DPH6: variants seen among roughly 807,000 people sequenced by gnomAD.
DPH6 encodes diphthamine biosynthesis 6.
Under a neutral mutation model 38.2 loss-of-function variants are expected in DPH6, and 33 were observed. The observed-to-expected ratio is 0.86, with a 90% CI of 0.65 to 1.15. DPH6 has a LOEUF of 1.15. Among genes scored for constraint, DPH6 ranks in the 50% most tolerant of loss-of-function variants. DPH6 has a pLI of 0.00. For synonymous variants in DPH6, 108 were observed against 103.0 expected, an observed-to-expected ratio of 1.05 and a Z score of -0.30; for missense variants, 325 against 320.0, an observed-to-expected ratio of 1.02 and a Z score of -0.12.
chr15:35,155,241 T>C, the DPH6 span, among the ~76,000 whole-genome samples: 149,870 of 152,330 alleles, frequency 0.98, 73,785 homozygotes, highest in East Asian at 1. Context: ...ATAAACTCCT[T>C]ATAACTGAAA....
chr15:35,229,985 G>C (rs1156898297), intron 3 of DPH6, among the ~76,000 whole-genome samples: 1 of 152,192 alleles, frequency 6.6e-6, no homozygotes, highest in Non-Finnish European at 1.5e-5. Flanking sequence ...TACTGGGTCA[G>C]ACCTGAAGCC....
chr15:35,145,014 G>C, the DPH6 span, among the ~76,000 whole-genome samples: 6 of 152,114 alleles, frequency 3.9e-5, no homozygotes, highest in Admixed American at 6.5e-5. Context: ...CTGAGGCAAA[G>C]ATTTTAGTTG....
intron 6 of DPH6, among the ~76,000 whole-genome samples, chr15:35,399,928 C>A (rs541556272): frequency 6.6e-6 from 1 of 152,316 alleles, no homozygotes; most frequent in Admixed American, 6.5e-5. Flanking sequence ...AAGGAAAACA[C>A]TGGATCCAGG....
intron 3 of DPH6, among the ~76,000 whole-genome samples, chr15:35,307,687 C>T (rs771466565): frequency 3.3e-5 from 5 of 152,090 alleles, no homozygotes; most frequent in Non-Finnish European, 7.4e-5. Flanking sequence ...CATGCTACTA[C>T]TTTTCAAAAG....
chr15:35,473,661 C>T lies in DPH6; in HGVS notation c.313-18841G>A, dbSNP rs557274335. 3.3e-5 allele frequency among the ~76,000 whole-genome samples: 5 copies of T among 152,020 alleles called. No individual in the cohort carries two copies. In the East Asian group the frequency reaches 9.7e-4, roughly 29 times the overall value. ...AATTGCAAACGCTACTCTCTTAGGC[C>T]CATAAATTCCACCTAAAAACTTATA... On this transcript the variant is annotated intron_variant, in intron 3 of 8. Coordinates refer to ENST00000256538, the MANE Select transcript of DPH6 (RefSeq NM_080650.4).
At chr15:35,230,662 A>G (rs1404966179) in intron 3 of DPH6, among the ~76,000 whole-genome samples, 1 of 152,186 alleles carries the variant, frequency 6.6e-6, no homozygotes, top group Non-Finnish European at 1.5e-5. Flanking sequence ...AAGGCCCTCA[A>G]CATAGTACCT....
chr15:35,238,316 G>T, intron 3 of DPH6: 1 of 318,654 alleles, frequency 3.1e-6, no homozygotes, highest in Non-Finnish European at 5.9e-6. Flanking sequence ...TTGCTGTCAG[G>T]AACAGTATGG....
intron 3 of DPH6, chr15:35,521,330 T>A (rs1266277648): frequency 2.0e-6 from 2 of 1,004,074 alleles, no homozygotes; most frequent in Non-Finnish European, 2.4e-6. Context: ...CAACCTTTTT[T>A]AATGAATGTT....
chr15:35,366,728 C>G (rs77882573), downstream of DPH6, among the ~76,000 whole-genome samples: 4,848 of 151,946 alleles, frequency 0.032, 239 homozygotes, highest in African/African-American at 0.11. Context: ...CACACATCAC[C>G]ATTTGCCATG....
chr15:35,356,949 C>A (rs991391319), intron 3 of DPH6, among the ~76,000 whole-genome samples: 2 of 152,320 alleles, frequency 1.3e-5, no homozygotes, highest in East Asian at 3.9e-4. Context: ...AGCTTCCTGG[C>A]CACTTTGTTT....
chr15:35,197,636 G>A, the DPH6 span, among the ~76,000 whole-genome samples: 1 of 152,158 alleles, frequency 6.6e-6, no homozygotes, highest in Admixed American at 6.5e-5. Context: ...TATTGCTTTA[G>A]GGTTTCTAGG....
At chr15:35,222,306 T>A (rs958256379) in intron 3 of DPH6, among the ~76,000 whole-genome samples, 29 of 152,206 alleles carry the variant, frequency 1.9e-4, no homozygotes, top group African/African-American at 7.0e-4. Flanking sequence ...ACTTCCATAA[T>A]TTGTTATGTG....
chr15:35,502,233 A>G (rs2054636819), intron 3 of DPH6, among the ~76,000 whole-genome samples: 2 of 152,064 alleles, frequency 1.3e-5, no homozygotes, highest in Admixed American at 6.6e-5. Flanking sequence ...CTCTGAGTTG[A>G]AAATTTTTGA....
intron 3 of DPH6, among the ~76,000 whole-genome samples, chr15:35,334,059 T>G (rs573800887): frequency 6.6e-6 from 1 of 151,898 alleles, no homozygotes; most frequent in African/African-American, 2.4e-5. Context: ...CTCTTAAGGA[T>G]CTAATGGGCA....
At chr15:35,409,150 G>T (rs2053332746) in intron 6 of DPH6, among the ~76,000 whole-genome samples, 1 of 151,878 alleles carries the variant, frequency 6.6e-6, no homozygotes, top group Admixed American at 6.6e-5. Flanking sequence ...AGTAAGCAAG[G>T]ATAGGTGTAG....
In DPH6 at chr15:35,249,747, ATTAC is replaced by A. The variant is rs1206600068; in HGVS notation, n.201-29169_201-29166del. 1.2e-4 allele frequency among the ~76,000 whole-genome samples: 18 copies of A among 152,148 alleles called. 1 individual carries two copies. Among genetic ancestry groups the A allele is most frequent in the Admixed American group, 1.2e-3 (18 of 15,278 alleles). ...TGAAGCTGATAATGTCTTTTTTGTTATTACTTAAGTTTGTGTGATATGTTAGAGA... is the reference window on the plus strand; with the variant it reads ...TGAAGCTGATAATGTCTTTTTTGTTATTAAGTTTGTGTGATATGTTAGAGA... On this transcript the variant is annotated intron_variant and non_coding_transcript_variant, in intron 3 of 3. Transcript: ENST00000560386.
chr15:35,180,440 C>T, the DPH6 span, among the ~76,000 whole-genome samples: 1 of 126,374 alleles, frequency 7.9e-6, no homozygotes, highest in Non-Finnish European at 1.8e-5. Flanking sequence ...CACACACACA[C>T]ACACTTGCCC....
At chr15:35,212,396 AT>A (rs2051393276), downstream of DPH6, among the ~76,000 whole-genome samples, 1 of 152,174 alleles carries the variant, frequency 6.6e-6, no homozygotes. Context: ...ATCCAGGATT[AT>A]GGGTCTATGC....
chr15:35,336,954 G>A (rs1409671621), intron 3 of DPH6, among the ~76,000 whole-genome samples: 1 of 152,008 alleles, frequency 6.6e-6, no homozygotes, highest in African/African-American at 2.4e-5. Flanking sequence ...GATGATGCTG[G>A]CCTCATAAAA....
Sources: gnomAD v4.1 joint callset for allele counts (sites outside exome capture counted in the v4.1 genomes callset) on GRCh38, gnomAD v4.1.1 for gene constraint, MANE v1.5 for transcripts, NCBI Gene and HGNC (gene_info 2026-07-23, HGNC 2026-07-21) for gene names.